Variants in ARHGAP18 observed in about 807,000 individuals in gnomAD.
ARHGAP18 encodes the protein Rho GTPase activating protein 18.
Under a neutral mutation model 86.2 loss-of-function variants are expected in ARHGAP18, and 67 were observed. The observed-to-expected ratio is 0.78, with a 90% CI of 0.64 to 0.95. The LOEUF (loss-of-function observed/expected upper bound fraction) is 0.95. ARHGAP18 is among the 40% of genes least tolerant of loss of function. The pLI, the probability that ARHGAP18 is intolerant of heterozygous loss-of-function variation, is 0.00. For missense variants in ARHGAP18, 691 were observed against 780.4 expected, an observed-to-expected ratio of 0.89 and a Z score of 1.37; for synonymous variants, 283 against 280.4, an observed-to-expected ratio of 1.01 and a Z score of -0.09.
intron 1 of ARHGAP18, among the ~76,000 whole-genome samples, chr6:129,660,737 A>G (rs1438040989): frequency 6.6e-6 from 1 of 152,228 alleles, no homozygotes; most frequent in African/African-American, 2.4e-5. Context: ...GAACTGATCT[A>G]GACATCTGGA....
chr6:129,656,684 T>C (rs1162050251), intron 1 of ARHGAP18, among the ~76,000 whole-genome samples: 1 of 151,952 alleles, frequency 6.6e-6, no homozygotes, highest in African/African-American at 2.4e-5. Context: ...AAAATATCAA[T>C]AGCACAGTAA....
intron 5 of ARHGAP18, among the ~76,000 whole-genome samples, chr6:129,627,375 A>G (rs1321009680): frequency 7.1e-6 from 1 of 140,898 alleles, no homozygotes; most frequent in African/African-American, 2.6e-5. Flanking sequence ...AACAGCTGCT[A>G]CATTGACAAA....
Position 129,710,095 on chromosome 6 carries a change from G to A in ARHGAP18, c.42C>T (p.Ala14=). 2 of 1,614,094 alleles carry A rather than the reference G, an allele frequency of 1.2e-6. No homozygotes were observed. Among genetic ancestry groups the A allele is most frequent in the Middle Eastern group, 1.7e-4 (1 of 6,038 alleles). ...LSSSQGVVLT[A]YHPSGKDQTV... is the part of the protein sequence containing the mutation. ...TCTGGTCCTTGCCGCTGGGGTGGTA[G>A]GCTGTTAGTACCACTCCCTGGGAAC... The change falls in exon 1 of 15, where the codon GCC becomes GCT. Residue 14 remains alanine, a synonymous_variant. Transcript: ENST00000368149.
intron 13 of ARHGAP18, among the ~76,000 whole-genome samples, chr6:129,580,836 C>T (rs536368545): frequency 6.6e-6 from 1 of 152,088 alleles, no homozygotes; most frequent in East Asian, 1.9e-4. Context: ...GATTGTGCCA[C>T]TGCACTCCAG....
rs897447120 is a variant in ARHGAP18 at position 129,577,764 on chromosome 6, A to G, written c.*749T>C. 3.3e-5 allele frequency: 5 copies of G among 152,228 alleles called. No homozygotes were observed. Among genetic ancestry groups the G allele is most frequent in the East Asian group, 1.9e-4 (1 of 5,204 alleles). 9.4% of individuals were successfully genotyped at this position (152,228 alleles called of 1,614,324 possible). A position where few individuals can be genotyped will look rare whatever the true frequency, so the allele number is the denominator to read the frequency against. On this transcript the variant is annotated 3_prime_UTR_variant, in exon 15 of 15. Transcript: ENST00000368149. ...TTTGGCTTTCACTCTCTTGTTATCC[A>G]TAATCCAATTATTATTTCACATGGG...
intron 1 of ARHGAP18, among the ~76,000 whole-genome samples, chr6:129,660,381 G>A (rs1260409232): frequency 6.6e-6 from 1 of 152,160 alleles, no homozygotes; most frequent in African/African-American, 2.4e-5. Flanking sequence ...GAGAATGCCT[G>A]GGTGACCAAT....
intron 5 of ARHGAP18, among the ~76,000 whole-genome samples, chr6:129,628,110 T>A (rs912931471): frequency 3.9e-5 from 6 of 152,166 alleles, no homozygotes; most frequent in African/African-American, 1.4e-4. Context: ...TTCTGCATAA[T>A]AAATGTATTT....
intron 10 of ARHGAP18, among the ~76,000 whole-genome samples, chr6:129,601,799 T>C (rs1333609049): frequency 6.6e-6 from 1 of 151,420 alleles, no homozygotes; most frequent in Non-Finnish European, 1.5e-5. Flanking sequence ...GCTAATTTTT[T>C]TGATTTTTCA....
chr6:129,695,263 A>AT (rs11415057), intron 1 of ARHGAP18, among the ~76,000 whole-genome samples: 33,750 of 151,310 alleles, frequency 0.22, 4,006 homozygotes, highest in East Asian at 0.31. Context: ...GCAGTAAACT[A>AT]TTTTTTTTTC....
intron 7 of ARHGAP18, among the ~76,000 whole-genome samples, chr6:129,612,557 A>G (rs774687369): frequency 1.3e-5 from 2 of 152,178 alleles, no homozygotes; most frequent in African/African-American, 4.8e-5. Flanking sequence ...TAGAGTATCA[A>G]AAGAATGTAA....
chr6:129,691,114 A>C (rs775451418), intron 1 of ARHGAP18, among the ~76,000 whole-genome samples: 3 of 152,226 alleles, frequency 2.0e-5, no homozygotes, highest in Admixed American at 6.5e-5. Flanking sequence ...TCATTAATTT[A>C]GTCCACTAAT....
At chr6:129,695,038 A>G (rs1220115577) in intron 1 of ARHGAP18, among the ~76,000 whole-genome samples, 1 of 152,176 alleles carries the variant, frequency 6.6e-6, no homozygotes, top group African/African-American at 2.4e-5. Context: ...AAAATGTACA[A>G]TTTTTAACAT....
At chr6:129,611,187 C>T (rs1027929513) in intron 8 of ARHGAP18, among the ~76,000 whole-genome samples, 2 of 152,218 alleles carry the variant, frequency 1.3e-5, no homozygotes, top group South Asian at 2.1e-4. Flanking sequence ...CAGGTGTGAA[C>T]CACCACGCCC....
chr6:129,622,403 A>G (rs777259284), intron 5 of ARHGAP18, among the ~76,000 whole-genome samples: 3 of 152,190 alleles, frequency 2.0e-5, no homozygotes, highest in Non-Finnish European at 4.4e-5. Context: ...AAACACATGT[A>G]ATACAGCCGT....
intron 12 of ARHGAP18, among the ~76,000 whole-genome samples, chr6:129,595,421 A>T (rs1383982399): frequency 6.6e-6 from 1 of 152,194 alleles, no homozygotes; most frequent in Non-Finnish European, 1.5e-5. Flanking sequence ...AATGAACTTA[A>T]CCATAAATAT....
At chr6:129,686,233 G>A (rs1454343985) in intron 1 of ARHGAP18, among the ~76,000 whole-genome samples, 1 of 150,234 alleles carries the variant, frequency 6.7e-6, no homozygotes, top group African/African-American at 2.4e-5. Flanking sequence ...TGTAAAATAT[G>A]AACTCCCACG....
At position 129,660,514 on chromosome 6, in the gene ARHGAP18, T is replaced by G. The variant is rs577296984; in HGVS notation, c.114-18496A>C. Among the ~76,000 whole-genome samples the G allele has an allele frequency of 7.2e-5, 11 of 152,250 alleles. No homozygotes were observed. In the South Asian group the frequency reaches 2.3e-3, roughly 32 times the overall value. ...GAAGATAGGAAAAAAAAGAGCAGGT[T>G]TGGCAGAGAATGTGACACCCTCAGT... On this transcript the variant is annotated intron_variant, in intron 1 of 14. Transcript: ENST00000368149.
intron 8 of ARHGAP18, 87 bp from the exon 9 acceptor site, chr6:129,608,139 C>G (rs1389918428): frequency 2.1e-5 from 29 of 1,380,952 alleles, no homozygotes; most frequent in Non-Finnish European, 2.7e-5. Context: ...CACATTTTCA[C>G]TTTCAAGAGA....
chr6:129,625,639 ATTATATAT>A (rs1789410821), intron 5 of ARHGAP18, among the ~76,000 whole-genome samples: 1 of 72,744 alleles, frequency 1.4e-5, no homozygotes, highest in African/African-American at 5.4e-5. Context: ...ATATATTTAT[ATTATATAT>A]TTATATATTA....
Sources: gnomAD v4.1 joint callset for allele counts (sites outside exome capture counted in the v4.1 genomes callset) on GRCh38, gnomAD v4.1.1 for gene constraint, MANE v1.5 for transcripts, NCBI Gene and HGNC (gene_info 2026-07-23, HGNC 2026-07-21) for gene names.